EPHA6: variants seen among roughly 807,000 people sequenced by gnomAD.
The protein encoded by EPHA6 is ephrin type-A receptor 6.
EPHA6 carries 50 observed loss-of-function variants against 112.0 expected under a neutral mutation model. The ratio of observed to expected loss-of-function variants is 0.45; its 90% confidence interval spans 0.36 to 0.56. The LOEUF (loss-of-function observed/expected upper bound fraction) is 0.56. EPHA6 is among the 20% of genes least tolerant of loss of function. The probability of loss-of-function intolerance (pLI) is 0.00; values close to 1 mark genes in which losing one functional copy is unlikely to be tolerated. For synonymous variants in EPHA6, 529 were observed against 490.7 expected (o/e 1.08, Z -1.03); for missense variants, 1,280 against 1,417.4 (o/e 0.90, Z 1.56).
intron 14 of EPHA6, among the ~76,000 whole-genome samples, chr3:97,642,516 A>G (rs538179641): frequency 2.1e-4 from 31 of 147,350 alleles, no homozygotes; most frequent in South Asian, 6.6e-4. Context: ...CATTCAAACC[A>G]AAGGCAAAGA....
At chr3:96,902,874 T>G (rs1255058158) in intron 2 of EPHA6, among the ~76,000 whole-genome samples, 5 of 152,144 alleles carry the variant, frequency 3.3e-5, no homozygotes, top group African/African-American at 4.8e-5. Context: ...ATTGAGTATT[T>G]ACAGTGTGCT....
intron 3 of EPHA6, among the ~76,000 whole-genome samples, chr3:97,113,695 T>A (rs2047795105): frequency 6.6e-6 from 1 of 152,096 alleles, no homozygotes; most frequent in South Asian, 2.1e-4. Context: ...AGAAGTAACA[T>A]TTTTTACTTC....
intron 3 of EPHA6, among the ~76,000 whole-genome samples, chr3:97,195,526 A>G (rs575214085): frequency 6.6e-6 from 1 of 152,184 alleles, no homozygotes; most frequent in South Asian, 2.1e-4. Context: ...TAGTTTATAC[A>G]TCACAGTTAC....
chr3:97,181,597 G>A lies in EPHA6; in HGVS notation c.1115-44667G>A, dbSNP rs112091093. 7.9e-5 allele frequency among the ~76,000 whole-genome samples: 12 copies of A among 151,552 alleles called. No individual in the cohort carries two copies. The South Asian group carries it at 1.5e-3, about 18-fold the overall frequency. ...AGTGTATATATATATGTGTGTGTGTGTATATATGTGTGTGTGTGTATATAT... is the reference window on the plus strand; with the variant it reads ...AGTGTATATATATATGTGTGTGTGTATATATATGTGTGTGTGTGTATATAT... On this transcript the variant is annotated intron_variant, in intron 3 of 17. Coordinates refer to ENST00000389672, the MANE Select transcript of EPHA6 (RefSeq NM_001080448.3).
At chr3:97,372,844 G>A (rs545351501) in intron 5 of EPHA6, among the ~76,000 whole-genome samples, 8 of 152,156 alleles carry the variant, frequency 5.3e-5, no homozygotes, top group East Asian at 1.9e-4. Flanking sequence ...CTGGACTCCA[G>A]GTAAATGGTT....
At chr3:96,937,723 G>A (rs1369874698) in intron 2 of EPHA6, among the ~76,000 whole-genome samples, 1 of 152,066 alleles carries the variant, frequency 6.6e-6, no homozygotes, top group Admixed American at 6.5e-5. Context: ...TTTTCTTCTA[G>A]GGTTTTTATG....
intron 3 of EPHA6, among the ~76,000 whole-genome samples, chr3:97,093,987 G>C (rs1428029216): frequency 6.6e-6 from 1 of 152,092 alleles, no homozygotes; most frequent in Non-Finnish European, 1.5e-5. Context: ...CGTGCATAGA[G>C]CAAAGGGGTT....
intron 1 of EPHA6, among the ~76,000 whole-genome samples, chr3:96,857,479 A>T (rs2035763363): frequency 6.6e-6 from 1 of 151,328 alleles, no homozygotes; most frequent in African/African-American, 2.4e-5. Context: ...GCCAAAAAAG[A>T]TTAATTGCCT....
chr3:97,009,640 G>A (rs2044008374), intron 3 of EPHA6, among the ~76,000 whole-genome samples: 1 of 152,236 alleles, frequency 6.6e-6, no homozygotes, highest in Admixed American at 6.5e-5. Flanking sequence ...CCTCCCCCAA[G>A]GAGTTTCGTT....
intron 13 of EPHA6, among the ~76,000 whole-genome samples, chr3:97,613,189 T>A (rs1263201503): frequency 1.3e-5 from 2 of 152,268 alleles, no homozygotes; most frequent in East Asian, 3.9e-4. Context: ...ATAAACTTTG[T>A]GTTAATAGCA....
intron 3 of EPHA6, among the ~76,000 whole-genome samples, chr3:97,194,048 G>A (rs558229578): frequency 4.0e-5 from 6 of 151,868 alleles, no homozygotes; most frequent in Non-Finnish European, 3.0e-5. Flanking sequence ...TTGATCTTTT[G>A]TGTTTTATTG....
intron 5 of EPHA6, among the ~76,000 whole-genome samples, chr3:97,344,030 T>C (rs1401168552): frequency 1.3e-5 from 2 of 152,206 alleles, no homozygotes; most frequent in Non-Finnish European, 2.9e-5. Context: ...GTCTGTCCTA[T>C]GCCTCTCCCA....
At chr3:97,466,398 T>G (rs761080598) in intron 7 of EPHA6, 2 of 1,609,076 alleles carry the variant, frequency 1.2e-6, no homozygotes, top group African/African-American at 2.7e-5. Context: ...TTATTTTCTC[T>G]TGGTTCATTA....
intron 14 of EPHA6, chr3:97,648,489 G>A: frequency 7.8e-7 from 1 of 1,289,302 alleles, no homozygotes; most frequent in Non-Finnish European, 9.8e-7. Context: ...AGGTGTTTGT[G>A]AATTGGCTTG....
chr3:97,469,236 A>G (rs2091152562), intron 7 of EPHA6, among the ~76,000 whole-genome samples: 1 of 151,678 alleles, frequency 6.6e-6, no homozygotes, highest in Non-Finnish European at 1.5e-5. Context: ...ATCTTGTGTC[A>G]GATTTTCAGT....
At chr3:97,716,818 C>A (rs1434833489) in intron 14 of EPHA6, among the ~76,000 whole-genome samples, 4 of 152,152 alleles carry the variant, frequency 2.6e-5, no homozygotes, top group Admixed American at 2.6e-4. Flanking sequence ...TTCATATTAT[C>A]ATGCATTTTG....
At chr3:97,506,615 T>C (rs1373921600) in intron 10 of EPHA6, among the ~76,000 whole-genome samples, 2 of 152,194 alleles carry the variant, frequency 1.3e-5, no homozygotes, top group Admixed American at 6.5e-5. Context: ...TCAGGTAGCA[T>C]GATGCCTCCA....
At chr3:97,595,277 G>A (rs1358418742) in intron 12 of EPHA6, among the ~76,000 whole-genome samples, 1 of 152,154 alleles carries the variant, frequency 6.6e-6, no homozygotes, top group South Asian at 2.1e-4. Context: ...GGAAGTATTA[G>A]CTGAAAATTG....
chr3:97,637,732 T>A (rs1360717275), intron 13 of EPHA6, 141 bp from the exon 14 acceptor site: 2 of 627,102 alleles, frequency 3.2e-6, no homozygotes, highest in Non-Finnish European at 5.5e-6. Context: ...TACTTTTCCT[T>A]ATGAATATAG....
Sources: allele counts gnomAD v4.1 joint callset (sites outside exome capture counted in the v4.1 genomes callset), GRCh38; gene constraint gnomAD v4.1.1; transcripts MANE v1.5; gene names NCBI Gene and HGNC (gene_info 2026-07-23, HGNC 2026-07-21).